TCEA3: variants seen among roughly 807,000 people sequenced by gnomAD.
TCEA3 encodes the protein transcription elongation factor A protein 3.
In TCEA3, 36 loss-of-function variants were observed where a neutral mutation model predicts 44.0. That is an observed-to-expected ratio of 0.82 (90% CI 0.63 to 1.08). The LOEUF (loss-of-function observed/expected upper bound fraction) is 1.08, where lower values mean the gene tolerates loss of function less well. Ranked by LOEUF, TCEA3 falls within the 50% of genes least tolerant of loss-of-function variation. TCEA3 has a pLI of 0.00. For synonymous variants in TCEA3, 162 were observed against 159.7 expected, an observed-to-expected ratio of 1.01 and a Z score of -0.11; for missense variants, 392 against 441.2, an observed-to-expected ratio of 0.89 and a Z score of 1.00.
In TCEA3 at chr1:23,397,839, ACAG is replaced by A; in HGVS notation, c.557_559del (p.Ser186_Val187delinsPhe). On this transcript the variant is annotated inframe_deletion, in exon 6 of 11. Coordinates refer to ENST00000450454, the MANE Select transcript of TCEA3 (RefSeq NM_003196.3). Reference sequence around the variant, plus strand: ...CAGCATCTCCACACACTTGTCCCGGACAGAGTCCCCTGTGAGATAGCAGGGGGC... The same window carrying A: ...CAGCATCTCCACACACTTGTCCCGGAAGTCCCCTGTGAGATAGCAGGGGGC... 6.2e-7 allele frequency: 1 copy of A among 1,613,962 alleles called. No individual in the cohort carries two copies. Among genetic ancestry groups the A allele is most frequent in the Non-Finnish European group, 8.5e-7 (1 of 1,179,896 alleles).
Position 23,398,622 on chromosome 1 carries a change from G to A in TCEA3, c.444-667C>T, listed in dbSNP as rs868831724. 2.2e-4 allele frequency among the ~76,000 whole-genome samples: 33 copies of A among 152,284 alleles called. 1 individual carries two copies. Among genetic ancestry groups the A allele is most frequent in the Middle Eastern group, 3.4e-3 (1 of 294 alleles). On this transcript the variant is annotated intron_variant, in intron 5 of 10. Coordinates refer to ENST00000450454, the MANE Select transcript of TCEA3 (RefSeq NM_003196.3). ...AATTTAATCTTCATAGCAGTCCCAG[G>A]AGGTATACTCTCATCATCTCTATTT... is the stretch of plus-strand genomic sequence containing the variant.
chr1:23,397,910 G>T lies in TCEA3; in HGVS notation c.489C>A (p.Ser163Arg). ...KSKAESPKTP[S>R]SPLTPTFASS... is the part of the protein sequence containing the mutation. Reference sequence around the variant, plus strand: ...AGGCAAACGTGGGGGTCAAGGGGCTGCTAGGTGTTTTGGGGCTCTCCGCTT... The same window carrying T: ...AGGCAAACGTGGGGGTCAAGGGGCTTCTAGGTGTTTTGGGGCTCTCCGCTT... Residue 163 changes from serine to arginine, a missense_variant, in exon 6 of 11, where the codon AGC becomes AGA. Ser to Arg is a moderately radical substitution (Grantham distance 110, BLOSUM62 -1). Coordinates refer to ENST00000450454, the MANE Select transcript of TCEA3 (RefSeq NM_003196.3). The T allele has an allele frequency of 1.2e-6, 2 of 1,613,848 alleles. No individual in the cohort carries two copies. The highest frequency in any genetic ancestry group is 1.3e-5 in the African/African-American group (1 of 75,026).
intron 4 of TCEA3, among the ~76,000 whole-genome samples, chr1:23,414,368 G>T (rs1013893648): frequency 6.6e-6 from 1 of 151,682 alleles, no homozygotes; most frequent in African/African-American, 2.4e-5. Flanking sequence ...AGGATTATAG[G>T]CATGAGCCAC....
At chr1:23,386,776 A>G (rs1478154874) in intron 9 of TCEA3, among the ~76,000 whole-genome samples, 1 of 151,876 alleles carries the variant, frequency 6.6e-6, no homozygotes, top group Non-Finnish European at 1.5e-5. Flanking sequence ...GCTGGAGTGC[A>G]GTGGCATGAT....
chr1:23,397,671 G>A, intron 6 of TCEA3, 70 bp from the exon 7 acceptor site: 1 of 1,603,586 alleles, frequency 6.2e-7, no homozygotes, highest in Non-Finnish European at 8.5e-7. Context: ...CTTGTACCTG[G>A]GACTAGAGTG....
intron 4 of TCEA3, among the ~76,000 whole-genome samples, chr1:23,413,066 T>G (rs1021697362): frequency 6.6e-6 from 1 of 152,200 alleles, no homozygotes; most frequent in Non-Finnish European, 1.5e-5. Flanking sequence ...AACAATTTAG[T>G]GTCCCAGGAA....
At chr1:23,417,213 T>C in intron 4 of TCEA3, 36 bp downstream of exon 4, 2 of 1,605,992 alleles carry the variant, frequency 1.2e-6, no homozygotes, top group Non-Finnish European at 8.5e-7. Context: ...ACGTGACAAG[T>C]GTCAGCTCCC....
chr1:23,424,519 G>C (rs780382937), intron 1 of TCEA3, 46 bp downstream of exon 1: 1 of 1,549,824 alleles, frequency 6.5e-7, no homozygotes, highest in Admixed American at 1.7e-5. Flanking sequence ...GGGCTTGCCC[G>C]CGCCTCCCGG....
Position 23,397,792 on chromosome 1 carries a change from CG to C in TCEA3, c.606del (p.Asp202GlufsTer31), listed in dbSNP as rs1558040010. The C allele has an allele frequency of 6.2e-7, 1 of 1,613,796 alleles. No individual in the cohort carries two copies. Among genetic ancestry groups the C allele is most frequent in the Admixed American group, 1.7e-5 (1 of 59,990 alleles). ...VEMLSAALKA[D>X]DDYKDYGVNC... ...TCATCCCTAGCCCAGGCTCTCTCAC[CG>C]TCCGCCTTCAGGGCTGCTGACAGCA... On this transcript the variant is annotated frameshift_variant and splice_region_variant, in exon 6 of 11. Coordinates refer to ENST00000450454, the MANE Select transcript of TCEA3 (RefSeq NM_003196.3). LOFTEE classifies it high-confidence loss of function.
At chr1:23,416,481 T>C (rs1037417523) in intron 4 of TCEA3, among the ~76,000 whole-genome samples, 4 of 152,064 alleles carry the variant, frequency 2.6e-5, no homozygotes, top group African/African-American at 7.2e-5. Context: ...ATTTATAATA[T>C]ATGTCTTGGT....
At chr1:23,416,584 C>T (rs902259792) in intron 4 of TCEA3, among the ~76,000 whole-genome samples, 4 of 152,242 alleles carry the variant, frequency 2.6e-5, no homozygotes, top group South Asian at 4.1e-4. Context: ...CTCCATCTCC[C>T]GGGCACAAGC....
intron 9 of TCEA3, among the ~76,000 whole-genome samples, chr1:23,384,762 G>A (rs1327966536): frequency 1.3e-5 from 2 of 151,196 alleles, no homozygotes; most frequent in African/African-American, 2.4e-5. Flanking sequence ...CACCTCCTGG[G>A]TTCAAGCAAT....
At chr1:23,403,878 T>C in intron 5 of TCEA3, 1 of 529,440 alleles carries the variant, frequency 1.9e-6, no homozygotes, top group Non-Finnish European at 3.4e-6. Context: ...GCTGGCTGGC[T>C]GGCTGGAATT....
intron 4 of TCEA3, among the ~76,000 whole-genome samples, chr1:23,409,617 G>A (rs1052197731): frequency 1.3e-5 from 2 of 151,876 alleles, no homozygotes; most frequent in African/African-American, 4.8e-5. Flanking sequence ...CTATCTCGGC[G>A]GCTCACTGCG....
Position 23,406,769 on chromosome 1 carries a change from C to A in TCEA3, c.443+1895G>T, listed in dbSNP as rs1639556586. Among the ~76,000 whole-genome samples, 4 of 152,250 alleles carry A rather than the reference C, an allele frequency of 2.6e-5. No homozygotes were observed. In the South Asian group the frequency reaches 8.3e-4, roughly 32 times the overall value. On this transcript the variant is annotated intron_variant, in intron 5 of 10. Transcript: ENST00000450454. ...TCAAGTGATTCTTTTGCCTCAGCCT[C>A]CTGCCACCACGCCCACTAACTGTTG... is the stretch of plus-strand genomic sequence containing the variant.
chr1:23,424,480 C>T lies in TCEA3; in HGVS notation c.69+85G>A, dbSNP rs1029825868. 2.0e-5 allele frequency: 26 copies of T among 1,317,584 alleles called. No individual in the cohort carries two copies. The Admixed American group carries it at 4.7e-4, about 24-fold the overall frequency. 81.6% of individuals were successfully genotyped at this position (1,317,584 alleles called of 1,614,324 possible). A position where few individuals can be genotyped will look rare whatever the true frequency, so the allele number is the denominator to read the frequency against. On this transcript the variant is annotated intron_variant, in intron 1 of 10. Coordinates refer to ENST00000450454, the MANE Select transcript of TCEA3 (RefSeq NM_003196.3). ...GTCCCGTACGCGCCCCCATGGCGCC[C>T]CGCCAGTACGTCCCCACCCCGGAAT...
intron 4 of TCEA3, among the ~76,000 whole-genome samples, chr1:23,413,968 G>A (rs1344119901): frequency 7.2e-6 from 1 of 138,308 alleles, no homozygotes; most frequent in Non-Finnish European, 1.5e-5. Context: ...GTAATGCATA[G>A]GAATAGTCTA....
At chr1:23,384,717 A>C (rs977164096) in intron 9 of TCEA3, among the ~76,000 whole-genome samples, 3 of 129,012 alleles carry the variant, frequency 2.3e-5, no homozygotes, top group African/African-American at 9.5e-5. Flanking sequence ...CCCAGACTGG[A>C]GTGCAGTGGT....
At chr1:23,381,822 G>C (rs74065338) in intron 10 of TCEA3, among the ~76,000 whole-genome samples, 2,570 of 152,302 alleles carry the variant, frequency 0.017, 67 homozygotes, top group African/African-American at 0.059. Flanking sequence ...CTGAAAATGT[G>C]TTCAGAAGTC....
Sources: gnomAD v4.1 joint callset for allele counts (sites outside exome capture counted in the v4.1 genomes callset) on GRCh38, gnomAD v4.1.1 for gene constraint, MANE v1.5 for transcripts, NCBI Gene and HGNC (gene_info 2026-07-23, HGNC 2026-07-21) for gene names.